Variants in MYO16 observed in about 807,000 individuals in gnomAD.
MYO16 encodes the protein myosin XVI, also known as unconventional myosin-XVI.
In MYO16, 94 loss-of-function variants were observed where a neutral mutation model predicts 205.3. The observed-to-expected ratio is 0.46, with a 90% CI of 0.39 to 0.54. The LOEUF (loss-of-function observed/expected upper bound fraction) is 0.54, where lower values mean the gene tolerates loss of function less well. Among genes scored for constraint, MYO16 ranks in the 20% least tolerant of loss-of-function variants. MYO16 has a pLI of 0.00. For synonymous variants in MYO16, 988 were observed against 954.0 expected (o/e 1.04, Z -0.66); for missense variants, 2,315 against 2,387.5 (o/e 0.97, Z 0.63).
chr13:108,878,527 T>C (rs1407443880), intron 12 of MYO16, among the ~76,000 whole-genome samples: 2 of 152,200 alleles, frequency 1.3e-5, no homozygotes, highest in African/African-American at 4.8e-5. Context: ...TTCAAGTCCG[T>C]GTGTGATCTG....
chr13:108,686,446 C>A (rs1016074249), intron 2 of MYO16, among the ~76,000 whole-genome samples: 2 of 152,076 alleles, frequency 1.3e-5, no homozygotes, highest in Non-Finnish European at 2.9e-5. Flanking sequence ...GAACTGAGAT[C>A]CAGGTAGGAA....
chr13:108,597,839 G>A (rs751063220), intron 1 of MYO16, among the ~76,000 whole-genome samples: 19 of 152,138 alleles, frequency 1.2e-4, no homozygotes, highest in Non-Finnish European at 2.5e-4. Context: ...ATATCTGTGG[G>A]ATGGTTTCAA....
intron 4 of MYO16, among the ~76,000 whole-genome samples, chr13:108,768,306 T>G (rs1447699881): frequency 6.6e-6 from 1 of 152,196 alleles, no homozygotes; most frequent in Non-Finnish European, 1.5e-5. Flanking sequence ...CCTTGATGAA[T>G]GCAAGGTAGT....
chr13:109,025,370 G>A (rs1369244594), intron 23 of MYO16, among the ~76,000 whole-genome samples: 1 of 152,146 alleles, frequency 6.6e-6, no homozygotes, highest in Non-Finnish European at 1.5e-5. Context: ...AATTATAGCT[G>A]AAGATCTTTT....
At chr13:108,894,839 G>C (rs1370244611) in intron 14 of MYO16, among the ~76,000 whole-genome samples, 1 of 152,154 alleles carries the variant, frequency 6.6e-6, no homozygotes, top group Non-Finnish European at 1.5e-5. Context: ...AGGAAGGGCT[G>C]TTTTGTTTCT....
At chr13:108,829,131 A>G (rs910770494) in intron 9 of MYO16, among the ~76,000 whole-genome samples, 18 of 152,102 alleles carry the variant, frequency 1.2e-4, no homozygotes, top group African/African-American at 3.9e-4. Flanking sequence ...CTTGATGAGG[A>G]CTGTGCCCTT....
the MYO16 span, among the ~76,000 whole-genome samples, chr13:108,546,777 C>T: frequency 6.6e-5 from 10 of 152,154 alleles, no homozygotes; most frequent in African/African-American, 2.2e-4. Flanking sequence ...TTCCTCTTCT[C>T]GCTTCATTCT....
intron 2 of MYO16, among the ~76,000 whole-genome samples, chr13:108,685,342 G>A (rs912469273): frequency 6.6e-6 from 1 of 152,132 alleles, no homozygotes; most frequent in East Asian, 1.9e-4. Flanking sequence ...TTTGTAGCTG[G>A]TTGGTCAGAA....
rs147576658 is a variant in MYO16, at chr13:108,913,898, C to T, written c.1925+3748C>T. Among the ~76,000 whole-genome samples the T allele has an allele frequency of 2.0e-3, 305 of 152,234 alleles. 2 individuals are homozygous for T. Among genetic ancestry groups the T allele is most frequent in the African/African-American group, 7.0e-3 (289 of 41,534 alleles). The stretch of plus-strand genomic sequence containing the variant: ...TTCAGTTGTTCAAATAGAGCAAACA[C>T]CAACCTGTAACCAATCCAGCTGTTT... On this transcript the variant is annotated intron_variant, in intron 16 of 34. Transcript: ENST00000457511.
At chr13:108,760,693 G>T (rs536626304) in intron 4 of MYO16, among the ~76,000 whole-genome samples, 2 of 152,224 alleles carry the variant, frequency 1.3e-5, no homozygotes, top group African/African-American at 4.8e-5. Context: ...GACTAAAAAA[G>T]TGAAACTCCT....
intron 27 of MYO16, among the ~76,000 whole-genome samples, chr13:109,080,894 T>G (rs1888261768): frequency 6.6e-6 from 1 of 152,158 alleles, no homozygotes; most frequent in African/African-American, 2.4e-5. Flanking sequence ...GCTTAAAAAA[T>G]TAGGATTTTA....
intron 21 of MYO16, among the ~76,000 whole-genome samples, chr13:108,993,429 C>T (rs981701008): frequency 1.3e-5 from 2 of 152,086 alleles, no homozygotes; most frequent in African/African-American, 4.8e-5. Context: ...ATGATGGATA[C>T]CTACCCGTTA....
At chr13:108,564,732 A>G in the MYO16 span, among the ~76,000 whole-genome samples, 1 of 152,152 alleles carries the variant, frequency 6.6e-6, no homozygotes, top group Non-Finnish European at 1.5e-5. Context: ...TGCCCAGAAC[A>G]ATGTCCTAGA....
intron 2 of MYO16, among the ~76,000 whole-genome samples, chr13:108,672,176 G>A (rs1360095101): frequency 2.6e-5 from 4 of 152,126 alleles, no homozygotes; most frequent in African/African-American, 9.7e-5. Flanking sequence ...TTTAGAAACA[G>A]TATAACGTCT....
intron 16 of MYO16, among the ~76,000 whole-genome samples, chr13:108,917,208 G>C (rs1022771329): frequency 6.6e-6 from 1 of 151,914 alleles, no homozygotes. Flanking sequence ...AGAGCAACTC[G>C]TCTCTCTGCC....
intron 17 of MYO16, among the ~76,000 whole-genome samples, chr13:108,959,474 C>T (rs1237169507): frequency 6.6e-6 from 1 of 152,158 alleles, no homozygotes; most frequent in East Asian, 1.9e-4. Context: ...CACTTTCTGA[C>T]TAAGGTAACC....
chr13:108,932,565 T>C (rs1882304830), intron 16 of MYO16, among the ~76,000 whole-genome samples: 2 of 152,212 alleles, frequency 1.3e-5, no homozygotes, highest in Non-Finnish European at 2.9e-5. Flanking sequence ...AGGTGACGTG[T>C]GCAGTCTATG....
chr13:108,757,573 C>T (rs767307827), intron 4 of MYO16, among the ~76,000 whole-genome samples: 28 of 152,016 alleles, frequency 1.8e-4, no homozygotes, highest in Non-Finnish European at 3.7e-4. Flanking sequence ...TGGTGTGCTG[C>T]ACCCAGTAAC....
At chr13:109,091,655 C>T (rs374074122) in intron 27 of MYO16, among the ~76,000 whole-genome samples, 4 of 152,192 alleles carry the variant, frequency 2.6e-5, no homozygotes, top group Non-Finnish European at 2.9e-5. Context: ...CAAAATTGGA[C>T]GGCTCCCATC....
Sources: gnomAD v4.1 joint callset for allele counts (sites outside exome capture counted in the v4.1 genomes callset) on GRCh38, gnomAD v4.1.1 for gene constraint, MANE v1.5 for transcripts, NCBI Gene and HGNC (gene_info 2026-07-23, HGNC 2026-07-21) for gene names.